The following PKHD1 variants were observed in gnomAD, a reference collection of about 807,000 sequenced individuals.
PKHD1 encodes the protein PKHD1 ciliary IPT domain containing fibrocystin/polyductin.
Under a neutral mutation model 412.0 loss-of-function variants are expected in PKHD1, and 291 were observed. That is an observed-to-expected ratio of 0.71 (90% CI 0.64 to 0.78). The LOEUF (loss-of-function observed/expected upper bound fraction) is 0.78. PKHD1 is among the 30% of genes least tolerant of loss of function. PKHD1 has a pLI of 0.00. For missense variants in PKHD1, 4,825 were observed against 4,950.7 expected, an observed-to-expected ratio of 0.97 and a Z score of 0.76; for synonymous variants, 1,777 against 1,821.5, an observed-to-expected ratio of 0.98 and a Z score of 0.62.
At chr6:52,083,801 AT>A (rs1426136035) in intron 2 of PKHD1, among the ~76,000 whole-genome samples, 2 of 152,096 alleles carry the variant, frequency 1.3e-5, no homozygotes, top group Non-Finnish European at 2.9e-5. Flanking sequence ...CACCAACCTA[AT>A]AGAAGCTGTT....
chr6:51,940,654 G>A (rs1173601129), intron 36 of PKHD1, among the ~76,000 whole-genome samples: 3 of 151,740 alleles, frequency 2.0e-5, no homozygotes, highest in Non-Finnish European at 2.9e-5. Flanking sequence ...AGCAGCTGAA[G>A]ACTGATACTG....
chr6:51,696,147 T>C lies in PKHD1; in HGVS notation c.10157-36178A>G, dbSNP rs138156727. 4.5e-3 allele frequency among the ~76,000 whole-genome samples: 685 copies of C among 152,330 alleles called. 5 individuals carry two copies. The highest frequency in any genetic ancestry group is 0.015 in the African/African-American group (637 of 41,576). On this transcript the variant is annotated intron_variant, in intron 60 of 66. Coordinates refer to ENST00000371117, the MANE Select transcript of PKHD1 (RefSeq NM_138694.4). ...TCTCTAGTTGTGGACTGAAAGGAAT[T>C]AAAGCACCAAGTTTCAAGCAGTGCT...
rs1354756451 is a variant in PKHD1 at position 51,746,873 on chromosome 6, A to T, written c.9846T>A (p.Ser3282Arg). 1 of 1,603,790 alleles carries T rather than the reference A, an allele frequency of 6.2e-7. No homozygotes were observed. Among genetic ancestry groups the T allele is most frequent in the South Asian group, 1.1e-5 (1 of 90,088 alleles). Residue 3282 changes from serine (S) to arginine (R), a missense_variant, in exon 59 of 67, where the codon AGT becomes AGA. Coordinates refer to ENST00000371117, the MANE Select transcript of PKHD1 (RefSeq NM_138694.4). Reference sequence around the variant, plus strand: ...CATCGCTATAGCAACTCTTCACAAAACTAGAAAAGGTAACATCTGAAATTT... The same window carrying T: ...CATCGCTATAGCAACTCTTCACAAATCTAGAAAAGGTAACATCTGAAATTT... ...IMKLQDVTFSSFVKSCYSDDL... is the reference protein window; with the variant it reads ...IMKLQDVTFSRFVKSCYSDDL...
At position 52,073,451 on chromosome 6, in the gene PKHD1, A is replaced by G; in HGVS notation, c.527+12T>C. ...TGTAACTAGTTAAACACAAAAACAA[A>G]CACACACTTACCTATCAATGTACTC... On this transcript the variant is annotated intron_variant, in intron 7 of 66. Transcript: ENST00000371117. 2 of 1,561,638 alleles carry G rather than the reference A, an allele frequency of 1.3e-6. No homozygotes were observed. The highest frequency in any genetic ancestry group is 1.8e-6 in the Non-Finnish European group (2 of 1,132,456).
chr6:51,984,230 G>C (rs1437087899), intron 35 of PKHD1, among the ~76,000 whole-genome samples: 1 of 152,186 alleles, frequency 6.6e-6, no homozygotes, highest in Non-Finnish European at 1.5e-5. Flanking sequence ...ACAGTGACTA[G>C]ATCAATAAAC....
At chr6:51,857,770 A>G (rs1228035580) in intron 48 of PKHD1, among the ~76,000 whole-genome samples, 1 of 152,176 alleles carries the variant, frequency 6.6e-6, no homozygotes, top group African/African-American at 2.4e-5. Context: ...AAACCCTTCC[A>G]TGGTACAGAT....
chr6:52,029,298 C>T (rs1438163762), intron 29 of PKHD1, among the ~76,000 whole-genome samples: 1 of 152,122 alleles, frequency 6.6e-6, no homozygotes, highest in African/African-American at 2.4e-5. Context: ...GTTTAATTAG[C>T]AACTCTATTA....
At chr6:51,918,237 T>C (rs1784134441) in intron 37 of PKHD1, among the ~76,000 whole-genome samples, 1 of 152,070 alleles carries the variant, frequency 6.6e-6, no homozygotes. Flanking sequence ...CTGGGATACA[T>C]GCGCAGAACG....
intron 60 of PKHD1, among the ~76,000 whole-genome samples, chr6:51,717,090 T>C (rs1242801401): frequency 1.3e-5 from 2 of 152,218 alleles, no homozygotes; most frequent in Admixed American, 6.5e-5. Flanking sequence ...CTTGTCCTGA[T>C]TAATGCAGTC....
intron 60 of PKHD1, among the ~76,000 whole-genome samples, chr6:51,697,620 A>C (rs566885015): frequency 6.6e-6 from 1 of 152,218 alleles, no homozygotes; most frequent in Non-Finnish European, 1.5e-5. Context: ...AACTGAAAAT[A>C]TCTGCAGACA....
chr6:52,070,655 A>G (rs906240408), intron 9 of PKHD1, among the ~76,000 whole-genome samples: 1 of 152,178 alleles, frequency 6.6e-6, no homozygotes, highest in Non-Finnish European at 1.5e-5. Flanking sequence ...ATCATTAGCA[A>G]TGTGGACTTC....
intron 63 of PKHD1, among the ~76,000 whole-genome samples, chr6:51,645,430 T>C (rs1201474767): frequency 6.6e-6 from 1 of 152,216 alleles, no homozygotes; most frequent in Non-Finnish European, 1.5e-5. Flanking sequence ...TCTTGCTCTG[T>C]CACCCAGGCT....
intron 57 of PKHD1, among the ~76,000 whole-genome samples, chr6:51,749,416 A>G (rs2150991174): frequency 6.6e-6 from 1 of 152,294 alleles, no homozygotes; most frequent in South Asian, 2.1e-4. Flanking sequence ...TTGTTAAAAC[A>G]CACTATAAAA....
intron 52 of PKHD1, among the ~76,000 whole-genome samples, chr6:51,808,156 A>G (rs2151378453): frequency 6.6e-6 from 1 of 152,308 alleles, no homozygotes; most frequent in South Asian, 2.1e-4. Context: ...AATTACATGG[A>G]ATAATAATAG....
intron 35 of PKHD1, among the ~76,000 whole-genome samples, chr6:51,967,085 T>C (rs1244764236): frequency 6.6e-6 from 1 of 152,040 alleles, no homozygotes; most frequent in Non-Finnish European, 1.5e-5. Flanking sequence ...TTTCTAGTGA[T>C]GCAATGAGAA....
chr6:51,886,583 A>T (rs1320046144), intron 44 of PKHD1, among the ~76,000 whole-genome samples: 1 of 152,326 alleles, frequency 6.6e-6, no homozygotes, highest in East Asian at 1.9e-4. Context: ...TAAATGAGAA[A>T]TCTAAAATAT....
rs1439477186 is a variant in PKHD1, at chr6:51,993,982, T to C, written c.5751+16327A>G. 2.6e-5 allele frequency among the ~76,000 whole-genome samples: 4 copies of C among 152,182 alleles called. No individual in the cohort carries two copies. In the East Asian group the frequency reaches 7.7e-4, roughly 29 times the overall value. Reference sequence around the variant, plus strand: ...GGAAGAAAAAAAAATAAGATTTTTATGACCAAATAAGCTTAGGAAAGACTG... The same window carrying C: ...GGAAGAAAAAAAAATAAGATTTTTACGACCAAATAAGCTTAGGAAAGACTG... On this transcript the variant is annotated intron_variant, in intron 35 of 66. Transcript: ENST00000371117.
At chr6:51,676,780 A>C (rs1261863507) in intron 60 of PKHD1, among the ~76,000 whole-genome samples, 3 of 152,338 alleles carry the variant, frequency 2.0e-5, no homozygotes, top group African/African-American at 7.2e-5. Context: ...GATCTTCCAA[A>C]GAATTATTAA....
At chr6:51,812,046 A>T (rs145419866) in intron 52 of PKHD1, among the ~76,000 whole-genome samples, 1 of 152,208 alleles carries the variant, frequency 6.6e-6, no homozygotes, top group Non-Finnish European at 1.5e-5. Flanking sequence ...ACTTTCATTC[A>T]GGTACAAAGC....
Sources: gnomAD v4.1 joint callset for allele counts (sites outside exome capture counted in the v4.1 genomes callset) on GRCh38, gnomAD v4.1.1 for gene constraint, MANE v1.5 for transcripts, NCBI Gene and HGNC (gene_info 2026-07-23, HGNC 2026-07-21) for gene names.